ERCC6L2: variants seen among roughly 807,000 people sequenced by gnomAD.
ERCC6L2 encodes the protein DNA excision repair protein ERCC-6-like 2.
A neutral mutation model predicts 132.0 loss-of-function variants in ERCC6L2; 77 were observed. That is an observed-to-expected ratio of 0.58 (90% CI 0.49 to 0.71). The LOEUF (loss-of-function observed/expected upper bound fraction) is 0.71. ERCC6L2 is among the 30% of genes least tolerant of loss of function. The probability of loss-of-function intolerance (pLI) is 0.00; values close to 1 mark genes in which losing one functional copy is unlikely to be tolerated. For missense variants in ERCC6L2, 1,542 were observed against 1,837.6 expected (o/e 0.84, Z 2.94); for synonymous variants, 583 against 632.4 (o/e 0.92, Z 1.17).
At chr9:95,966,495 G>T in intron 13 of ERCC6L2, 67 bp from the exon 14 acceptor site, 1 of 1,353,040 alleles carries the variant, frequency 7.4e-7, no homozygotes, top group South Asian at 2.2e-5. Context: ...TACAGGGAAT[G>T]CCAGGAAATT....
intron 17 of ERCC6L2, among the ~76,000 whole-genome samples, chr9:95,988,250 T>C (rs957615424): frequency 1.3e-5 from 2 of 152,262 alleles, no homozygotes; most frequent in Admixed American, 1.3e-4. Flanking sequence ...GAGTTGGCAT[T>C]AGATAAGACA....
rs569986250 is a variant in ERCC6L2, at chr9:96,009,147, C to T, written c.3675-3078C>T. 9.2e-5 allele frequency among the ~76,000 whole-genome samples: 14 copies of T among 152,298 alleles called. No individual in the cohort carries two copies. In the East Asian group the frequency reaches 2.7e-3, roughly 29 times the overall value. On this transcript the variant is annotated intron_variant, in intron 18 of 18. Transcript: ENST00000653738. The stretch of plus-strand genomic sequence containing the variant: ...GCACCTGCTGTGGTCGGGGAGTTTG[C>T]TTTTGGAATGGACACAATGCTGTAC...
chr9:95,913,639 A>G (rs1829446854), intron 4 of ERCC6L2, among the ~76,000 whole-genome samples: 1 of 152,170 alleles, frequency 6.6e-6, no homozygotes, highest in African/African-American at 2.4e-5. Flanking sequence ...TCACCTCAGA[A>G]AGTTATTTGT....
At chr9:95,999,659 T>C (rs1245868262) in intron 17 of ERCC6L2, among the ~76,000 whole-genome samples, 2 of 152,112 alleles carry the variant, frequency 1.3e-5, no homozygotes, top group African/African-American at 4.8e-5. Context: ...GTATTTTCTT[T>C]ATTGGCCCAG....
intron 13 of ERCC6L2, among the ~76,000 whole-genome samples, chr9:95,961,332 G>A (rs1467887026): frequency 6.6e-6 from 1 of 152,096 alleles, no homozygotes; most frequent in Non-Finnish European, 1.5e-5. Context: ...GGCAGAGATT[G>A]GAGTGATGCC....
At chr9:95,884,679 A>G (rs1827771238) in intron 2 of ERCC6L2, among the ~76,000 whole-genome samples, 1 of 152,206 alleles carries the variant, frequency 6.6e-6, no homozygotes, top group South Asian at 2.1e-4. Flanking sequence ...ATGAGAATTG[A>G]AAAATGTCCA....
intron 19 of ERCC6L2, among the ~76,000 whole-genome samples, chr9:96,028,124 C>A (rs1442300836): frequency 6.6e-6 from 1 of 152,166 alleles, no homozygotes; most frequent in African/African-American, 2.4e-5. Context: ...TGCCAGACGG[C>A]GCTTCCTGAA....
intron 14 of ERCC6L2, 73 bp downstream of exon 14, chr9:95,966,787 C>T: frequency 8.1e-7 from 1 of 1,233,514 alleles, no homozygotes. Context: ...ATCTGAAATA[C>T]AATTGCTGTT....
chr9:95,970,459 C>G (rs1832361301), intron 14 of ERCC6L2, 117 bp from the exon 15 acceptor site: 1 of 328,516 alleles, frequency 3.0e-6, no homozygotes, highest in South Asian at 4.6e-5. Context: ...CTAAAGCAAG[C>G]TGCATGCAAT....
Position 95,907,068 on chromosome 9 carries a change from C to G in ERCC6L2, c.595-10C>G. 1 of 1,574,566 alleles carries G rather than the reference C, an allele frequency of 6.4e-7. No homozygotes were observed. The highest frequency in any genetic ancestry group is 8.6e-7 in the Non-Finnish European group (1 of 1,168,818). On this transcript the variant is annotated splice_polypyrimidine_tract_variant and intron_variant, in intron 3 of 18. Coordinates refer to ENST00000653738, the MANE Select transcript of ERCC6L2 (RefSeq NM_020207.7). ...TAAAAAACAGCAAAATTTTTTTATT[C>G]TTGTTTTAGATGTTCTTAATAGTTG...
In ERCC6L2 at chr9:95,876,017, C is replaced by T; in HGVS notation, c.-22C>T. ...CTTCCGGGTGTTACATGCAGCCGGG[C>T]TCGGCCCCTCCCCCTGGCCGGATGG... On this transcript the variant is annotated 5_prime_UTR_variant, in exon 1 of 19. Coordinates refer to ENST00000653738, the MANE Select transcript of ERCC6L2 (RefSeq NM_020207.7). 6.3e-7 allele frequency: 1 copy of T among 1,579,808 alleles called. No individual in the cohort carries two copies. Among genetic ancestry groups the T allele is most frequent in the Non-Finnish European group, 8.6e-7 (1 of 1,163,836 alleles).
intron 17 of ERCC6L2, among the ~76,000 whole-genome samples, chr9:95,979,975 CGCTGTAGTGGATGTTAATGAAATAACT>C (rs1832828110): frequency 6.6e-6 from 1 of 151,892 alleles, no homozygotes; most frequent in Non-Finnish European, 1.5e-5. Context: ...TTTGGCAAAC[CGCTGTAGTGGATGTTAATGAAATAACT>C]GGATATACTG....
chr9:95,916,630 T>C (rs1829607872), intron 6 of ERCC6L2, among the ~76,000 whole-genome samples, 196 bp downstream of exon 6: 1 of 152,032 alleles, frequency 6.6e-6, no homozygotes, highest in African/African-American at 2.4e-5. Context: ...TTTATTAACC[T>C]GTTAGCTAAC....
intron 18 of ERCC6L2, among the ~76,000 whole-genome samples, chr9:96,008,434 A>G (rs1833928918): frequency 6.6e-6 from 1 of 152,006 alleles, no homozygotes; most frequent in African/African-American, 2.4e-5. Context: ...TTTCTTTTCC[A>G]TGTATTTGTG....
At chr9:95,892,479 G>A (rs1028646244) in intron 2 of ERCC6L2, among the ~76,000 whole-genome samples, 4 of 148,840 alleles carry the variant, frequency 2.7e-5, no homozygotes, top group African/African-American at 7.5e-5. Flanking sequence ...AGGCTGGAGC[G>A]TGGTGGTGAT....
At chr9:95,886,226 A>G (rs914961572) in intron 2 of ERCC6L2, among the ~76,000 whole-genome samples, 1 of 152,150 alleles carries the variant, frequency 6.6e-6, no homozygotes, top group Admixed American at 6.5e-5. Flanking sequence ...CGAGTTGCCC[A>G]GGCTGGTCTT....
At chr9:96,027,045 C>A (rs1834385034) in intron 19 of ERCC6L2, among the ~76,000 whole-genome samples, 1 of 148,280 alleles carries the variant, frequency 6.7e-6, no homozygotes, top group Non-Finnish European at 1.5e-5. Context: ...TACCCACCAC[C>A]CCACACACTA....
In ERCC6L2 at chr9:96,014,724, A is replaced by G. The variant is rs1282079207; in HGVS notation, c.*1521A>G. ...GTGTGAAAACGCTGTTTTAAATTAT[A>G]TGAGTTCGTCATTTGTTTGCTCTGT... On this transcript the variant is annotated 3_prime_UTR_variant, in exon 19 of 19. Coordinates refer to ENST00000653738, the MANE Select transcript of ERCC6L2 (RefSeq NM_020207.7). 6.6e-6 allele frequency among the ~76,000 whole-genome samples: 1 copy of G among 152,140 alleles called. No individual in the cohort carries two copies. The highest frequency in any genetic ancestry group is 2.4e-5 in the African/African-American group (1 of 41,444).
chr9:96,024,354 A>C (rs957557589), intron 19 of ERCC6L2, among the ~76,000 whole-genome samples: 5 of 152,344 alleles, frequency 3.3e-5, no homozygotes, highest in African/African-American at 1.2e-4. Context: ...AGATTCTTTA[A>C]AGTCTGGGTA....
Sources: gnomAD v4.1 joint callset for allele counts (sites outside exome capture counted in the v4.1 genomes callset) on GRCh38, gnomAD v4.1.1 for gene constraint, MANE v1.5 for transcripts, NCBI Gene and HGNC (gene_info 2026-07-23, HGNC 2026-07-21) for gene names.